Variants in HERC3 observed in about 807,000 individuals in gnomAD.
The protein encoded by HERC3 is probable E3 ubiquitin-protein ligase HERC3.
HERC3 carries 58 observed loss-of-function variants against 129.9 expected under a neutral mutation model. The observed-to-expected ratio is 0.45, with a 90% CI of 0.36 to 0.56. The LOEUF is 0.56. Among genes scored for constraint, HERC3 ranks in the 20% least tolerant of loss-of-function variants. The pLI is 0.00. For missense variants in HERC3, 835 were observed against 1,244.2 expected (o/e 0.67, Z 4.95); for synonymous variants, 430 against 451.0 (o/e 0.95, Z 0.59).
chr4:88,545,478 G>A, the HERC3 span, among the ~76,000 whole-genome samples: 27 of 126,930 alleles, frequency 2.1e-4, no homozygotes, highest in African/African-American at 8.2e-4. Flanking sequence ...TGTCACCCAC[G>A]CCAAAGTGCA....
intron 3 of HERC3, among the ~76,000 whole-genome samples, chr4:88,611,367 G>A (rs1724299694): frequency 6.6e-6 from 1 of 152,206 alleles, no homozygotes; most frequent in Admixed American, 6.5e-5. Context: ...GACATGGAAG[G>A]GAAGTCTGTG....
At chr4:88,537,239 C>T in the HERC3 span, among the ~76,000 whole-genome samples, 1 of 152,116 alleles carries the variant, frequency 6.6e-6, no homozygotes, top group Non-Finnish European at 1.5e-5. Context: ...GTCCAAGATC[C>T]AATCCAGGAT....
At chr4:88,689,302 C>G (rs570864597) in intron 23 of HERC3, among the ~76,000 whole-genome samples, 69 of 147,896 alleles carry the variant, frequency 4.7e-4, no homozygotes, top group Non-Finnish European at 7.3e-4. Flanking sequence ...CTCAGAAGTT[C>G]AAGACCAGCG....
intron 7 of HERC3, among the ~76,000 whole-genome samples, chr4:88,654,349 C>CATATAT (rs869126362): frequency 0.024 from 1,668 of 69,894 alleles, 24 homozygotes; most frequent in African/African-American, 0.041. Context: ...GTAGATTTTT[C>CATATAT]ATATATATAT....
upstream of HERC3, among the ~76,000 whole-genome samples, chr4:88,587,611 G>A (rs533517599): frequency 1.2e-4 from 18 of 152,200 alleles, no homozygotes; most frequent in African/African-American, 4.3e-4. Context: ...AAATTCCACA[G>A]GTTCACTTTA....
In HERC3 at chr4:88,701,982, A is replaced by G. The variant is rs576208713; in HGVS notation, c.2658-2116A>G. On this transcript the variant is annotated intron_variant, in intron 23 of 25. Coordinates refer to ENST00000402738, the MANE Select transcript of HERC3 (RefSeq NM_014606.3). ...CAGGCCTGGCTAATTTTTTGTGGAG[A>G]CTGGGTCTTGCCATGTTGCCCAGGC... 5.9e-5 allele frequency among the ~76,000 whole-genome samples: 9 copies of G among 151,860 alleles called. No homozygotes were observed. In the East Asian group the frequency reaches 1.8e-3, roughly 30 times the overall value.
Position 88,707,210 on chromosome 4 carries a change from A to G in HERC3, c.*250A>G. On this transcript the variant is annotated 3_prime_UTR_variant, in exon 26 of 26. Coordinates refer to ENST00000402738, the MANE Select transcript of HERC3 (RefSeq NM_014606.3). ...GTGTTTTTGTTTTTGTTTTAAACCA[A>G]ACTACCCAGTATTCCTTGCACTTGT... The G allele has an allele frequency of 2.0e-6, 1 of 490,368 alleles. No homozygotes were observed. The highest frequency in any genetic ancestry group is 3.7e-6 in the Non-Finnish European group (1 of 271,240). 30.4% of individuals were successfully genotyped at this position (490,368 alleles called of 1,614,324 possible).
chr4:88,636,367 CT>C (rs1210977696), intron 3 of HERC3, among the ~76,000 whole-genome samples: 1 of 152,096 alleles, frequency 6.6e-6, no homozygotes, highest in East Asian at 1.9e-4. Flanking sequence ...ACAGAACAGA[CT>C]TTAAACCAAC....
At chr4:88,688,976 T>C (rs1733773924) in intron 23 of HERC3, among the ~76,000 whole-genome samples, 1 of 152,176 alleles carries the variant, frequency 6.6e-6, no homozygotes, top group South Asian at 2.1e-4. Context: ...AATGACAGTC[T>C]TTCTTTGGAA....
At chr4:88,561,564 TA>T in the HERC3 span, among the ~76,000 whole-genome samples, 1 of 152,176 alleles carries the variant, frequency 6.6e-6, no homozygotes, top group South Asian at 2.1e-4. Context: ...AAATTACTGA[TA>T]ACTGTAATCA....
chr4:88,704,347 C>T (rs1735580163), intron 24 of HERC3, 66 bp downstream of exon 24: 3 of 1,518,214 alleles, frequency 2.0e-6, no homozygotes, highest in African/African-American at 1.4e-5. Context: ...GGGAGGTGTT[C>T]CCAGAGCCTG....
At chr4:88,693,570 G>A (rs1335926308) in intron 23 of HERC3, 1 of 945,866 alleles carries the variant, frequency 1.1e-6, no homozygotes, top group Non-Finnish European at 1.3e-6. Context: ...TGGTTGCACA[G>A]CATTATGAAT....
At chr4:88,655,107 G>T (rs527567898) in intron 7 of HERC3, 67 bp from the exon 8 acceptor site, 1 of 1,541,886 alleles carries the variant, frequency 6.5e-7, no homozygotes, top group African/African-American at 1.4e-5. Context: ...TAGGCATTTT[G>T]TATACAGGGT....
Position 88,649,974 on chromosome 4 carries a change from A to G in HERC3, c.361A>G (p.Thr121Ala). The G allele has an allele frequency of 1.2e-6, 2 of 1,614,034 alleles. No individual in the cohort carries two copies. The highest frequency in any genetic ancestry group is 1.7e-6 in the Non-Finnish European group (2 of 1,179,952). ...TGATGGTCAGCTAGGACTCATGACTACTGAGGATTCTGTGGCAGTGCCCAG... is the reference window on the plus strand; with the variant it reads ...TGATGGTCAGCTAGGACTCATGACTGCTGAGGATTCTGTGGCAGTGCCCAG... ...GSDGQLGLMT[T>A]EDSVAVPRLI... The change falls in exon 4 of 26, where the codon ACT becomes GCT. Residue 121 changes from threonine to alanine, a missense_variant. Transcript: ENST00000402738.
Position 88,676,485 on chromosome 4 carries a change from T to C in HERC3, c.2025+62T>C, listed in dbSNP as rs767070392. ...TGTTTCTCCCATTCTAGACATTCAG[T>C]TGTAATTTTTTCTAGTAGGAGAAAA... On this transcript the variant is annotated intron_variant, in intron 18 of 25. Transcript: ENST00000402738. The C allele has an allele frequency of 4.7e-5, 55 of 1,169,388 alleles. 1 individual carries two copies. The highest frequency in any genetic ancestry group is 6.3e-5 in the Non-Finnish European group (50 of 794,408). The allele number at this position is 1,169,388 out of a possible 1,614,324, so 72.4% of individuals were successfully genotyped here.
At chr4:88,535,545 A>G in the HERC3 span, among the ~76,000 whole-genome samples, 5 of 152,218 alleles carry the variant, frequency 3.3e-5, no homozygotes, top group South Asian at 8.3e-4. Flanking sequence ...TGAACTTAGT[A>G]AATGATACCA....
At chr4:88,647,874 A>AT (rs1048608184) in intron 3 of HERC3, among the ~76,000 whole-genome samples, 4 of 133,170 alleles carry the variant, frequency 3.0e-5, no homozygotes, top group Non-Finnish European at 6.5e-5. Flanking sequence ...TTATTTCTTG[A>AT]TTTTTTTCAA....
intron 23 of HERC3, among the ~76,000 whole-genome samples, chr4:88,691,754 T>C (rs1159489472): frequency 6.6e-6 from 1 of 152,246 alleles, no homozygotes; most frequent in Non-Finnish European, 1.5e-5. Context: ...TGTAAAAGAT[T>C]GATCATTATA....
chr4:88,686,623 A>G, intron 21 of HERC3, 113 bp from the exon 22 acceptor site: 1 of 670,350 alleles, frequency 1.5e-6, no homozygotes, highest in Non-Finnish European at 2.7e-6. Context: ...TTATTCCAGA[A>G]TCTTCTTTCA....
Sources: allele counts gnomAD v4.1 joint callset (sites outside exome capture counted in the v4.1 genomes callset), GRCh38; gene constraint gnomAD v4.1.1; transcripts MANE v1.5; gene names NCBI Gene and HGNC (gene_info 2026-07-23, HGNC 2026-07-21).